Variants in MTCL1 observed in about 807,000 individuals in gnomAD.
MTCL1 encodes the protein microtubule cross-linking factor 1.
Under a neutral mutation model 141.4 loss-of-function variants are expected in MTCL1, and 79 were observed. That is an observed-to-expected ratio of 0.56 (90% CI 0.47 to 0.67). The LOEUF is 0.67. Among genes scored for constraint, MTCL1 ranks in the 30% least tolerant of loss-of-function variants. The probability of loss-of-function intolerance (pLI) is 0.00; values close to 1 mark genes in which losing one functional copy is unlikely to be tolerated. For missense variants in MTCL1, 2,177 were observed against 2,113.9 expected (o/e 1.03, Z -0.59); for synonymous variants, 914 against 875.8 (o/e 1.04, Z -0.77).
intron 4 of MTCL1, among the ~76,000 whole-genome samples, chr18:8,724,540 G>A (rs540667140): frequency 2.6e-5 from 4 of 152,294 alleles, no homozygotes; most frequent in South Asian, 2.1e-4. Flanking sequence ...ATGTGTACAC[G>A]ATTTCTAGTC....
intron 4 of MTCL1, among the ~76,000 whole-genome samples, chr18:8,721,757 G>A (rs1305862574): frequency 6.6e-6 from 1 of 152,192 alleles, no homozygotes; most frequent in Non-Finnish European, 1.5e-5. Context: ...ATCTGACAAT[G>A]CTGTGTGTTT....
exon 17 of MTCL1, chr18:8,832,754 G>A (rs1380597726): frequency 6.6e-6 from 1 of 152,144 alleles, no homozygotes; most frequent in Admixed American, 6.5e-5. Context: ...TGATGAAGTA[G>A]AAATAAAGCC....
exon 1 of MTCL1, chr18:8,706,288 T>G (rs1401723954): frequency 1.6e-6 from 2 of 1,229,596 alleles, no homozygotes; most frequent in Non-Finnish European, 2.0e-6. Context: ...GGACAGCAGC[T>G]CCGACCTCTC....
chr18:8,748,097 CCT>C lies in MTCL1; in HGVS notation c.357+27602_357+27603del, dbSNP rs1030279837. Among the ~76,000 whole-genome samples, 30 of 152,200 alleles carry C rather than the reference CCT, an allele frequency of 2.0e-4. 1 individual carries two copies. The highest frequency in any genetic ancestry group is 6.7e-4 in the African/African-American group (28 of 41,512). On this transcript the variant is annotated intron_variant, in intron 4 of 16. Coordinates refer to ENST00000359865, the Ensembl canonical transcript of MTCL1. ...GCCGCCTCACTTGGGGCTCTGCACC[CCT>C]GTCAGCTCTCTCCCTCACACAGTTT...
intron 7 of MTCL1, among the ~76,000 whole-genome samples, chr18:8,787,727 C>A (rs545893638): frequency 2.0e-5 from 3 of 152,366 alleles, no homozygotes; most frequent in Admixed American, 6.5e-5. Flanking sequence ...GCAAACATCC[C>A]TCATTCTGAT....
Position 8,813,199 on chromosome 18 carries a change from G to A in MTCL1, c.2825G>A (p.Arg942Gln), listed in dbSNP as rs200602137. 178 of 1,611,886 alleles carry A rather than the reference G, an allele frequency of 1.1e-4. No individual in the cohort carries two copies. The highest frequency in any genetic ancestry group is 3.7e-4 in the Admixed American group (22 of 59,642). Residue 942 changes from arginine to glutamine, a missense_variant, in exon 12 of 17, where the codon CGG becomes CAG. Physicochemically the swap from Arg to Gln is conservative, Grantham distance 43. Coordinates refer to ENST00000359865, the Ensembl canonical transcript of MTCL1. ...GACAGAGATCGGCAGGAGTGGGAGC[G>A]GCAGAAGAAGGAATTCTTGTGGAGG...
chr18:8,804,980 T>G (rs1012717045), intron 10 of MTCL1, among the ~76,000 whole-genome samples: 24 of 80,006 alleles, frequency 3.0e-4, no homozygotes, highest in Non-Finnish European at 4.8e-4. Flanking sequence ...GAGCGAGACC[T>G]TGCCTCAAAA....
intron 1 of MTCL1, among the ~76,000 whole-genome samples, chr18:8,709,562 A>G (rs533666430): frequency 2.0e-4 from 31 of 152,312 alleles, no homozygotes; most frequent in African/African-American, 7.5e-4. Context: ...AGCACTGCAC[A>G]GAACTAACTC....
exon 17 of MTCL1, chr18:8,832,031 ATTT>A: frequency 5.1e-6 from 3 of 587,190 alleles, no homozygotes; most frequent in Non-Finnish European, 8.9e-6. Context: ...TCAGAAAACT[ATTT>A]TTGTCTCCAT....
chr18:8,722,466 A>G (rs1191144479), intron 4 of MTCL1, among the ~76,000 whole-genome samples: 1 of 152,248 alleles, frequency 6.6e-6, no homozygotes, highest in Non-Finnish European at 1.5e-5. Flanking sequence ...AGCCTACTGT[A>G]GACTGGAAGC....
rs751682822 is a variant in MTCL1, at chr18:8,825,883, A to G, written c.4373A>G (p.Asp1458Gly). The G allele has an allele frequency of 1.9e-6, 3 of 1,613,638 alleles. No homozygotes were observed. In the East Asian group the frequency reaches 6.7e-5, roughly 36 times the overall value. Residue 1458 changes from aspartate to glycine, a missense_variant, in exon 15 of 17, where the codon GAC (aspartate) becomes GGC (glycine). Physicochemically the swap from Asp to Gly is moderately conservative, Grantham distance 94. Transcript: ENST00000359865. The stretch of plus-strand genomic sequence containing the variant: ...ATTGACCACAGCCCCGTGGTGCAGG[A>G]CCCCTTCCAGAAGGGGCTGCGGGCC...
At chr18:8,733,206 G>C (rs924971895) in intron 4 of MTCL1, among the ~76,000 whole-genome samples, 1 of 152,246 alleles carries the variant, frequency 6.6e-6, no homozygotes, top group African/African-American at 2.4e-5. Context: ...GGGCTGAGGT[G>C]AGACGAGGCC....
rs2077023086 is a variant in MTCL1, at chr18:8,826,249, G to A, written c.4722+17G>A. On this transcript the variant is annotated intron_variant, in intron 15 of 16. Coordinates refer to ENST00000359865, the Ensembl canonical transcript of MTCL1. ...CCCATGGAGGTAATGAATGCTGAGT[G>A]CCCCACACCCTTCCCCACCAGCTCT... is the stretch of plus-strand genomic sequence containing the variant. The A allele has an allele frequency of 2.6e-6, 4 of 1,548,112 alleles. No individual in the cohort carries two copies. The highest frequency in any genetic ancestry group is 2.6e-6 in the Non-Finnish European group (3 of 1,145,254).
chr18:8,829,787 A>G (rs2077138254), intron 16 of MTCL1: 1 of 985,220 alleles, frequency 1.0e-6, no homozygotes, highest in Non-Finnish European at 1.2e-6. Context: ...CCAGGACACC[A>G]TGCCATGCAG....
chr18:8,828,796 G>A lies in MTCL1; in HGVS notation c.4723-112G>A, dbSNP rs1231239290. The A allele has an allele frequency of 6.5e-7, 1 of 1,549,676 alleles. No individual in the cohort carries two copies. On this transcript the variant is annotated intron_variant, in intron 15 of 16. Transcript: ENST00000359865. The surrounding 1 kb of genome is among the most constrained non-coding windows in gnomAD (Gnocchi z 5.2). ...CTGGTGGCTACCCCTGAGCGAGAGGGATGGTCCTCTACCTCCGGGCTTGCT... is the reference window on the plus strand; with the variant it reads ...CTGGTGGCTACCCCTGAGCGAGAGGAATGGTCCTCTACCTCCGGGCTTGCT...
rs902987196 is a variant in MTCL1, at chr18:8,830,209, G to A, written c.*18+1245G>A. 5 of 985,604 alleles carry A rather than the reference G, an allele frequency of 5.1e-6. No individual in the cohort carries two copies. The highest frequency in any genetic ancestry group is 6.0e-6 in the Non-Finnish European group (5 of 830,144). The allele number at this position is 985,604 out of a possible 1,614,324, so 61.1% of individuals were successfully genotyped here. On this transcript the variant is annotated intron_variant, in intron 16 of 16. Transcript: ENST00000359865. The surrounding 1 kb of genome is among the most constrained non-coding windows in gnomAD (Gnocchi z 6.4). ...TGGGTTAGTCTGCATCTTGGTGGCT[G>A]GTGGCGCTGGTGGAGTTTTAACTGG...
At chr18:8,761,817 A>G (rs1281734575) in intron 4 of MTCL1, among the ~76,000 whole-genome samples, 2 of 152,210 alleles carry the variant, frequency 1.3e-5, no homozygotes, top group African/African-American at 4.8e-5. Flanking sequence ...AGCACAGGAA[A>G]GACCTGCCCC....
In MTCL1 at chr18:8,705,694, G is replaced by A. The variant is rs1364422104; in HGVS notation, c.34G>A (p.Ala12Thr). The A allele has an allele frequency of 3.3e-6, 4 of 1,201,214 alleles. No individual in the cohort carries two copies. The highest frequency in any genetic ancestry group is 3.1e-6 in the Non-Finnish European group (3 of 967,766). The allele number at this position is 1,201,214 out of a possible 1,614,324, so 74.4% of individuals were successfully genotyped here. The change falls in exon 1 of 14, where the codon GCC becomes ACC. Residue 12 changes from alanine (A) to threonine (T), a missense_variant. Transcript: ENST00000306329. The surrounding 1 kb of genome is among the most constrained non-coding windows in gnomAD (Gnocchi z 5.2). ...ACTGAACGGCCCCGCGGGCGGAGGTGCCCCGGACGCGAAGCTGCAGCCGCC... is the reference window on the plus strand; with the variant it reads ...ACTGAACGGCCCCGCGGGCGGAGGTACCCCGGACGCGAAGCTGCAGCCGCC...
intron 9 of MTCL1, among the ~76,000 whole-genome samples, chr18:8,797,350 A>G (rs531118162): frequency 9.2e-5 from 14 of 152,332 alleles, no homozygotes; most frequent in Non-Finnish European, 1.9e-4. Context: ...TCTTCCTGTT[A>G]TGCCTCGATT....
Sources: allele counts gnomAD v4.1 joint callset (sites outside exome capture counted in the v4.1 genomes callset), GRCh38; gene constraint gnomAD v4.1.1; non-coding constraint Gnocchi (gnomAD v3.1); transcripts MANE v1.5; gene names NCBI Gene and HGNC (gene_info 2026-07-23, HGNC 2026-07-21).